The following SYT15 variants were observed in gnomAD, a reference collection of about 807,000 sequenced individuals.
SYT15 encodes synaptotagmin 15.
Under a neutral mutation model 30.1 loss-of-function variants are expected in SYT15, and 4 were observed. The ratio of observed to expected loss-of-function variants is 0.13; its 90% CI spans 0.07 to 0.30. The LOEUF (loss-of-function observed/expected upper bound fraction) is 0.30, where lower values mean the gene tolerates loss of function less well. Ranked by LOEUF, SYT15 falls within the 10% of genes least tolerant of loss-of-function variation. The probability of loss-of-function intolerance (pLI) is 1.00; values close to 1 mark genes in which losing one functional copy is unlikely to be tolerated. For missense variants in SYT15, 49 were observed against 371.7 expected (o/e 0.13, Z 7.14); for synonymous variants, 19 against 166.3 (o/e 0.11, Z 6.82).
rs1184194964 is a variant in SYT15 at position 46,585,098 on chromosome 10, T to C, written c.943+483T>C. On this transcript the variant is annotated intron_variant, in intron 6 of 7. Coordinates refer to ENST00000374321, the MANE Select transcript of SYT15 (RefSeq NM_031912.5). ...GTTCACCCCACATGTCCCACCCCATTTGGGCTCACCCCACACATCCCACCC... is the reference window on the plus strand; with the variant it reads ...GTTCACCCCACATGTCCCACCCCATCTGGGCTCACCCCACACATCCCACCC... Among the ~76,000 whole-genome samples the C allele has an allele frequency of 5.0e-4, 3 of 5,956 alleles. 1 individual carries two copies. The highest frequency in any genetic ancestry group is 7.6e-4 in the African/African-American group (3 of 3,930). 3.9% of individuals were successfully genotyped at this position (5,956 alleles called of 152,430 possible).
At chr10:46,580,695 T>C (rs1461900950) in intron 2 of SYT15, among the ~76,000 whole-genome samples, 199 bp from the exon 3 acceptor site, 2 of 137,830 alleles carry the variant, frequency 1.5e-5, no homozygotes, top group Non-Finnish European at 3.1e-5. Flanking sequence ...TGTGTGTGTG[T>C]GTGTGTGTGT....
At chr10:46,584,236 C>T (rs1844583773) in intron 5 of SYT15, among the ~76,000 whole-genome samples, 1 of 151,670 alleles carries the variant, frequency 6.6e-6, no homozygotes, top group Non-Finnish European at 1.5e-5. Context: ...TTCCTCCAGC[C>T]CACCACCCCC....
chr10:46,581,941 T>C lies in SYT15; in HGVS notation c.401T>C (p.Phe134Ser). 1.3e-6 allele frequency: 2 copies of C among 1,566,786 alleles called. No individual in the cohort carries two copies. The highest frequency in any genetic ancestry group is 8.7e-7 in the Non-Finnish European group (1 of 1,155,818). ...GCCATCAACCCAGAGCTGTACAAGT[T>C]CCCGGAGGACAAAAGTGAGACCGAC... Reference protein sequence around the residue: ...VGAINPELYKFPEDKSETDFP... With the variant: ...VGAINPELYKSPEDKSETDFP... Residue 134 changes from phenylalanine (F) to serine (S), a missense_variant, in exon 4 of 8, where the codon TTC becomes TCC. Coordinates refer to ENST00000374321, the MANE Select transcript of SYT15 (RefSeq NM_031912.5).
chr10:46,584,396 G>C (rs1357500425), intron 5 of SYT15, 99 bp from the exon 6 acceptor site: 1 of 1,387,008 alleles, frequency 7.2e-7, no homozygotes, highest in Non-Finnish European at 9.7e-7. Flanking sequence ...GTGTCGCATG[G>C]ACCGCTAGGA....
downstream of SYT15, among the ~76,000 whole-genome samples, chr10:46,595,398 C>T (rs1320980993): frequency 2.0e-5 from 3 of 152,150 alleles, no homozygotes; most frequent in Non-Finnish European, 2.9e-5. Flanking sequence ...TCACCGCAAC[C>T]TCTGCCTCCC....
downstream of SYT15, among the ~76,000 whole-genome samples, chr10:46,595,116 C>A (rs1376626526): frequency 2.5e-4 from 33 of 131,546 alleles, no homozygotes; most frequent in African/African-American, 9.6e-4. Flanking sequence ...GTGGTCTGAG[C>A]TAGGGTAGGC....
Position 46,583,721 on chromosome 10 carries a change from G to GT in SYT15, c.652-10dup. ...ACGCCTGACTCTGGCTGGTGTCCTT[G>GT]TCCCCCCCAGGTGTCCAGCAAGACC... On this transcript the variant is annotated splice_polypyrimidine_tract_variant and intron_variant, in intron 4 of 7. Transcript: ENST00000374321. 1.4e-6 allele frequency: 1 copy of GT among 694,700 alleles called. No homozygotes were observed. Among genetic ancestry groups the GT allele is most frequent in the Non-Finnish European group, 2.0e-6 (1 of 504,102 alleles). 43.0% of individuals were successfully genotyped at this position (694,700 alleles called of 1,614,324 possible).
chr10:46,586,840 TC>T (rs1424222772), intron 7 of SYT15, among the ~76,000 whole-genome samples: 25 of 2,178 alleles, frequency 0.011, no homozygotes, highest in East Asian at 0.071. Flanking sequence ...CGAGACTCTG[TC>T]AAAAAAAAAA....
At position 46,581,937 on chromosome 10, in the gene SYT15, A is replaced by G; in HGVS notation, c.397A>G (p.Lys133Glu). 1 of 1,566,278 alleles carries G rather than the reference A, an allele frequency of 6.4e-7. No homozygotes were observed. The highest frequency in any genetic ancestry group is 2.2e-5 in the East Asian group (1 of 44,594). The change falls in exon 4 of 8, where the codon AAG becomes GAG. Residue 133 changes from lysine (K) to glutamate (E), a missense_variant. Lys to Glu is a moderately conservative substitution (Grantham distance 56). Transcript: ENST00000374321. ...GGGGGCCATCAACCCAGAGCTGTAC[A>G]AGTTCCCGGAGGACAAAAGTGAGAC... ...MVGAINPELY[K>E]FPEDKSETDF...
chr10:46,596,134 C>A (rs563160), downstream of SYT15: 1 of 140,922 alleles, frequency 7.1e-6, no homozygotes, highest in African/African-American at 2.8e-5. Context: ...ATTTGTGCTT[C>A]GCTGTGCCCA....
Position 46,588,344 on chromosome 10 carries a change from TTTCTGTGCTC to T in SYT15, c.*699_*708del, listed in dbSNP as rs1845190125. 6.5e-6 allele frequency: 3 copies of T among 462,734 alleles called. No individual in the cohort carries two copies. Among genetic ancestry groups the T allele is most frequent in the Non-Finnish European group, 8.4e-6 (3 of 355,586 alleles). The allele number at this position is 462,734 out of a possible 1,614,324, so 28.7% of individuals were successfully genotyped here. On this transcript the variant is annotated 3_prime_UTR_variant, in exon 8 of 8. Transcript: ENST00000374321. ...TGGTTCTCCAGCTGTTCTGCTGCTG[TTTCTGTGCTC>T]TCCCTGATTAAGAGCATTCAGTTCC... is the stretch of plus-strand genomic sequence containing the variant.
rs1386972175 is a variant in SYT15, at chr10:46,591,098, G to A, written c.*3451G>A. ...AATTTAGATTTAAGTCGAGCTCAGT[G>A]GCTCACATCTATTATCCCCGCACTT... On this transcript the variant is annotated 3_prime_UTR_variant, in exon 8 of 8. Transcript: ENST00000374321. The A allele has an allele frequency of 4.5e-5, 5 of 111,332 alleles. 1 individual carries two copies. The highest frequency in any genetic ancestry group is 1.9e-4 in the African/African-American group (5 of 25,792). 6.9% of individuals were successfully genotyped at this position (111,332 alleles called of 1,614,324 possible).
rs1845401601 is a variant in SYT15 at position 46,591,100 on chromosome 10, C to T, written c.*3453C>T. The stretch of plus-strand genomic sequence containing the variant: ...TTTAGATTTAAGTCGAGCTCAGTGG[C>T]TCACATCTATTATCCCCGCACTTTG... On this transcript the variant is annotated 3_prime_UTR_variant, in exon 8 of 8. Transcript: ENST00000374321. 1 of 109,754 alleles carries T rather than the reference C, an allele frequency of 9.1e-6. No individual in the cohort carries two copies. Among genetic ancestry groups the T allele is most frequent in the Admixed American group, 9.3e-5 (1 of 10,760 alleles). 6.8% of individuals were successfully genotyped at this position (109,754 alleles called of 1,614,324 possible).
At chr10:46,595,369 G>T (rs1463768022), downstream of SYT15, among the ~76,000 whole-genome samples, 1 of 152,054 alleles carries the variant, frequency 6.6e-6, no homozygotes, top group Non-Finnish European at 1.5e-5. Flanking sequence ...AGGCTGGAGT[G>T]CAATGGCGTG....
At chr10:46,581,100 A>G in intron 3 of SYT15, 64 bp downstream of exon 3, 1 of 563,020 alleles carries the variant, frequency 1.8e-6, no homozygotes, top group Non-Finnish European at 3.0e-6. Context: ...ATCTGCTTTC[A>G]CCAGCTTGGC....
rs200557253 is a variant in SYT15, at chr10:46,580,178, G to A, written c.22G>A (p.Val8Met). ...TCTGCCCCCAGAGCAGCTGGCCCTG[G>A]TGATTGGGGGCACCATCGGGGGGCT... MAEQLALVIGGTIGGLLL... is the reference protein window; with the variant it reads MAEQLALMIGGTIGGLLL... Residue 8 changes from valine to methionine, a missense_variant, in exon 2 of 8, where the codon GTG (valine) becomes ATG (methionine). Physicochemically the swap from Val to Met is conservative, Grantham distance 21. Coordinates refer to ENST00000374321, the MANE Select transcript of SYT15 (RefSeq NM_031912.5). 1.6e-6 allele frequency: 2 copies of A among 1,267,690 alleles called. No homozygotes were observed. Among genetic ancestry groups the A allele is most frequent in the East Asian group, 5.0e-5 (2 of 39,716 alleles). The allele number at this position is 1,267,690 out of a possible 1,614,324, so 78.5% of individuals were successfully genotyped here. A position where few individuals can be genotyped will look rare whatever the true frequency, so the allele number is the denominator to read the frequency against.
rs1845390575 is a variant in SYT15 at position 46,590,923 on chromosome 10, C to T, written c.*3276C>T. The T allele has an allele frequency of 7.1e-6, 1 of 141,072 alleles. No homozygotes were observed. The highest frequency in any genetic ancestry group is 2.8e-5 in the African/African-American group (1 of 35,750). The allele number at this position is 141,072 out of a possible 1,614,324, so 8.7% of individuals were successfully genotyped here. A position where few individuals can be genotyped will look rare whatever the true frequency, so the allele number is the denominator to read the frequency against. ...ATTGACTGTTGAATGTCAAACCAAA[C>T]TTAACATTCTTGTAATAGAAACCAG... On this transcript the variant is annotated 3_prime_UTR_variant, in exon 8 of 8. Transcript: ENST00000374321.
Position 46,591,573 on chromosome 10 carries a change from TGAAA to T in SYT15, c.*3930_*3933del, listed in dbSNP as rs1555043789. 7.5e-6 allele frequency: 1 copy of T among 132,490 alleles called. No homozygotes were observed. The highest frequency in any genetic ancestry group is 3.1e-5 in the African/African-American group (1 of 32,464). The allele number at this position is 132,490 out of a possible 1,614,324, so 8.2% of individuals were successfully genotyped here. A position where few individuals can be genotyped will look rare whatever the true frequency, so the allele number is the denominator to read the frequency against. Reference sequence around the variant, plus strand: ...ATTCTTATCATAATGTTCTTGCACTTGAAAGAATGTGCATTCTGCAGTTGTGTGC... The same window carrying T: ...ATTCTTATCATAATGTTCTTGCACTTGAATGTGCATTCTGCAGTTGTGTGC... On this transcript the variant is annotated 3_prime_UTR_variant, in exon 8 of 8. Coordinates refer to ENST00000374321, the MANE Select transcript of SYT15 (RefSeq NM_031912.5).
intron 5 of SYT15, among the ~76,000 whole-genome samples, chr10:46,584,186 T>G (rs1555039211): frequency 1.3e-5 from 2 of 150,802 alleles, no homozygotes; most frequent in Non-Finnish European, 2.9e-5. Context: ...TAGACAGCTG[T>G]GAGAGATGAC....
Sources: gnomAD v4.1 joint callset for allele counts (sites outside exome capture counted in the v4.1 genomes callset) on GRCh38, gnomAD v4.1.1 for gene constraint, MANE v1.5 for transcripts, NCBI Gene and HGNC (gene_info 2026-07-23, HGNC 2026-07-21) for gene names.